KPNA3: variants seen among roughly 807,000 people sequenced by gnomAD.
KPNA3 encodes karyopherin subunit alpha 3.
Under a neutral mutation model 73.8 loss-of-function variants are expected in KPNA3, and 13 were observed. That is an observed-to-expected ratio of 0.18 (90% CI 0.11 to 0.28). KPNA3 has a LOEUF of 0.28. Ranked by LOEUF, KPNA3 falls within the 10% of genes least tolerant of loss-of-function variation. KPNA3 has a pLI of 1.00. For missense variants in KPNA3, 360 were observed against 618.1 expected (o/e 0.58, Z 4.43); for synonymous variants, 186 against 206.9 (o/e 0.90, Z 0.87).
rs1265675572 is a variant in KPNA3, at chr13:49,710,938, C to T, written c.856G>A (p.Val286Met). Residue 286 changes from valine to methionine, a missense_variant, in exon 11 of 17, where the codon GTG becomes ATG. This residue lies in a region of KPNA3 where 287 missense variants were observed against 549.1 expected (regional missense o/e 0.52). Transcript: ENST00000261667. ...CTCAGAAGGGGCACAAGAAAGGGCA[C>T]AACTCCTGAATCAATAACCATCTGT... Reference protein sequence around the residue: ...QIQMVIDSGVVPFLVPLLSHQ... With the variant: ...QIQMVIDSGVMPFLVPLLSHQ... The T allele has an allele frequency of 1.9e-6, 3 of 1,613,794 alleles. No homozygotes were observed. The highest frequency in any genetic ancestry group is 3.3e-5 in the Admixed American group (2 of 59,998).
intron 1 of KPNA3, among the ~76,000 whole-genome samples, chr13:49,766,920 A>AT (rs1319610127): frequency 1.4e-5 from 2 of 147,836 alleles, no homozygotes; most frequent in Non-Finnish European, 3.0e-5. Context: ...AGGGAGTGAG[A>AT]TTTTTCACTT....
chr13:49,739,605 G>A (rs564967435), intron 2 of KPNA3, among the ~76,000 whole-genome samples: 1 of 152,284 alleles, frequency 6.6e-6, no homozygotes, highest in African/African-American at 2.4e-5. Flanking sequence ...TTAATAAACA[G>A]ATGTCATCTG....
chr13:49,752,725 T>G (rs1188117770), intron 1 of KPNA3, among the ~76,000 whole-genome samples: 2 of 151,448 alleles, frequency 1.3e-5, no homozygotes, highest in East Asian at 1.9e-4. Context: ...TAATCAGAAA[T>G]GAAGGTGAAA....
At chr13:49,722,746 G>A (rs761914818) in intron 7 of KPNA3, among the ~76,000 whole-genome samples, 183 bp from the exon 8 acceptor site, 4 of 145,540 alleles carry the variant, frequency 2.7e-5, no homozygotes, top group African/African-American at 1.0e-4. Context: ...GTCAAGTACC[G>A]TAACCAACTG....
At chr13:49,723,909 C>T (rs1434245339) in intron 7 of KPNA3, among the ~76,000 whole-genome samples, 2 of 151,662 alleles carry the variant, frequency 1.3e-5, no homozygotes, top group Non-Finnish European at 2.9e-5. Flanking sequence ...AAAAAGAAAT[C>T]TCATACTTAA....
chr13:49,710,319 A>G (rs1049419227), intron 11 of KPNA3, among the ~76,000 whole-genome samples: 2 of 152,146 alleles, frequency 1.3e-5, no homozygotes, highest in African/African-American at 4.8e-5. Context: ...TCCACCTAGA[A>G]AGTCACTTTG....
chr13:49,789,373 A>G (rs1282840489), intron 1 of KPNA3, among the ~76,000 whole-genome samples: 1 of 152,114 alleles, frequency 6.6e-6, no homozygotes, highest in Non-Finnish European at 1.5e-5. Context: ...AAGATCTCTT[A>G]AAGTCTCTCT....
intron 15 of KPNA3, among the ~76,000 whole-genome samples, chr13:49,703,324 G>A (rs919367056): frequency 3.2e-4 from 49 of 151,400 alleles, no homozygotes; most frequent in African/African-American, 1.2e-3. Context: ...GGGATTACAG[G>A]TGCCCACCAC....
intron 9 of KPNA3, 93 bp downstream of exon 9, chr13:49,721,862 C>G: frequency 1.3e-6 from 1 of 782,360 alleles, no homozygotes; most frequent in Admixed American, 3.0e-5. Flanking sequence ...GCAATGAAAT[C>G]AGTATATGTA....
Position 49,701,723 on chromosome 13 carries a change from C to A in KPNA3, c.*77G>T. The A allele has an allele frequency of 1.1e-6, 1 of 892,244 alleles. No individual in the cohort carries two copies. 55.3% of individuals were successfully genotyped at this position (892,244 alleles called of 1,614,324 possible). On this transcript the variant is annotated 3_prime_UTR_variant, in exon 17 of 17. Coordinates refer to ENST00000261667, the MANE Select transcript of KPNA3 (RefSeq NM_002267.4). Reference sequence around the variant, plus strand: ...ATGTGTGTTTTGGAGCCTTTTGTTGCTGTTGTTCTTATCATTTGGTAGCCA... The same window carrying A: ...ATGTGTGTTTTGGAGCCTTTTGTTGATGTTGTTCTTATCATTTGGTAGCCA...
chr13:49,744,955 AC>A (rs1954603929), intron 2 of KPNA3, among the ~76,000 whole-genome samples: 1 of 152,068 alleles, frequency 6.6e-6, no homozygotes, highest in East Asian at 1.9e-4. Flanking sequence ...CAGACAAGTC[AC>A]CTTTGAATGC....
chr13:49,723,082 A>AT (rs71078883), intron 7 of KPNA3, among the ~76,000 whole-genome samples: 16 of 147,552 alleles, frequency 1.1e-4, no homozygotes, highest in African/African-American at 2.2e-4. Context: ...GCACTACCTC[A>AT]TTTTTTTTTT....
At chr13:49,769,840 A>G (rs1954838905) in intron 1 of KPNA3, among the ~76,000 whole-genome samples, 1 of 152,210 alleles carries the variant, frequency 6.6e-6, no homozygotes, top group Non-Finnish European at 1.5e-5. Flanking sequence ...GCTATTTTCT[A>G]AAGTTGCTGC....
In KPNA3 at chr13:49,744,233, A is replaced by C. The variant is rs192303131; in HGVS notation, c.114+2716T>G. 2.7e-4 allele frequency among the ~76,000 whole-genome samples: 40 copies of C among 149,336 alleles called. 1 individual carries two copies. The highest frequency in any genetic ancestry group is 9.0e-4 in the African/African-American group (37 of 41,088). ...GTCAACAAAATGTGAAAAAGAAAAAAAGTTTAAAGTGTTAAGACTGGAAAA... is the reference window on the plus strand; with the variant it reads ...GTCAACAAAATGTGAAAAAGAAAAACAGTTTAAAGTGTTAAGACTGGAAAA... On this transcript the variant is annotated intron_variant, in intron 2 of 16. Coordinates refer to ENST00000261667, the MANE Select transcript of KPNA3 (RefSeq NM_002267.4).
chr13:49,710,943 C>G lies in KPNA3; in HGVS notation c.851G>C (p.Gly284Ala). Residue 284 changes from glycine to alanine, a missense_variant, in exon 11 of 17, where the codon GGA becomes GCA. Around this residue, in one of 3 missense-constraint regions of KPNA3, gnomAD observed 287 missense variants for 549.1 expected, o/e 0.52. Coordinates refer to ENST00000261667, the MANE Select transcript of KPNA3 (RefSeq NM_002267.4). Reference protein sequence around the residue: ...NEQIQMVIDSGVVPFLVPLLS... With the variant: ...NEQIQMVIDSAVVPFLVPLLS... ...AAGGGGCACAAGAAAGGGCACAACT[C>G]CTGAATCAATAACCATCTGTATCTG... 2 of 1,613,878 alleles carry G rather than the reference C, an allele frequency of 1.2e-6. No individual in the cohort carries two copies. The highest frequency in any genetic ancestry group is 1.7e-6 in the Non-Finnish European group (2 of 1,179,830).
At chr13:49,715,902 A>AAACT (rs1954299897) in intron 10 of KPNA3, among the ~76,000 whole-genome samples, 1 of 152,246 alleles carries the variant, frequency 6.6e-6, no homozygotes, top group Non-Finnish European at 1.5e-5. Flanking sequence ...TATCCATAAT[A>AAACT]GTGTGTTTAA....
chr13:49,704,336 T>C (rs1954180030), intron 15 of KPNA3, among the ~76,000 whole-genome samples: 1 of 151,576 alleles, frequency 6.6e-6, no homozygotes, highest in Non-Finnish European at 1.5e-5. Flanking sequence ...GGTAGGAGAA[T>C]TGCTTAAACC....
At chr13:49,783,663 C>G (rs1954958528) in intron 1 of KPNA3, among the ~76,000 whole-genome samples, 1 of 152,156 alleles carries the variant, frequency 6.6e-6, no homozygotes, top group Admixed American at 6.5e-5. Context: ...GTTAGAAGTT[C>G]TAGATATACA....
At chr13:49,734,538 T>C (rs1954501743) in intron 2 of KPNA3, among the ~76,000 whole-genome samples, 3 of 152,154 alleles carry the variant, frequency 2.0e-5, no homozygotes, top group Admixed American at 2.0e-4. Flanking sequence ...AAAATAATTG[T>C]AGAAAGGAAT....
Sources: allele counts gnomAD v4.1 joint callset (sites outside exome capture counted in the v4.1 genomes callset), GRCh38; gene constraint gnomAD v4.1.1; regional missense constraint gnomAD v4.1.1; transcripts MANE v1.5; gene names NCBI Gene and HGNC (gene_info 2026-07-23, HGNC 2026-07-21).